The following ZNF362 variants were observed in gnomAD, a reference collection of about 807,000 sequenced individuals.
ZNF362 encodes rotund homolog.
In ZNF362, 11 loss-of-function variants were observed where a neutral mutation model predicts 42.9. The observed-to-expected ratio is 0.26, with a 90% CI of 0.16 to 0.42. ZNF362 has a LOEUF of 0.42. ZNF362 is among the 20% of genes least tolerant of loss of function. The pLI is 1.00. For missense variants in ZNF362, 362 were observed against 576.2 expected, an observed-to-expected ratio of 0.63 and a Z score of 3.81; for synonymous variants, 255 against 257.3, an observed-to-expected ratio of 0.99 and a Z score of 0.09.
At chr1:33,216,599 CAAAAA>C in the ZNF362 span, among the ~76,000 whole-genome samples, 1 of 71,896 alleles carries the variant, frequency 1.4e-5, no homozygotes, top group African/African-American at 5.5e-5. Flanking sequence ...GACTCTGTCT[CAAAAA>C]AAAAAAAAAA....
At chr1:33,277,667 G>A (rs1645961563) in intron 4 of ZNF362, among the ~76,000 whole-genome samples, 1 of 152,188 alleles carries the variant, frequency 6.6e-6, no homozygotes, top group East Asian at 1.9e-4. Context: ...GAGATACATT[G>A]TGGGAGAAGA....
At chr1:33,189,861 C>A in the ZNF362 span, among the ~76,000 whole-genome samples, 1 of 151,380 alleles carries the variant, frequency 6.6e-6, no homozygotes, top group Middle Eastern at 3.2e-3. Flanking sequence ...ATTAAGTATT[C>A]AGGGATGGGG....
chr1:33,166,590 C>G, the ZNF362 span, among the ~76,000 whole-genome samples: 18 of 152,072 alleles, frequency 1.2e-4, no homozygotes, highest in Non-Finnish European at 2.5e-4. Flanking sequence ...GAAAAAGATA[C>G]AGAGAGGTCA....
At chr1:33,213,085 G>A in the ZNF362 span, among the ~76,000 whole-genome samples, 2 of 152,176 alleles carry the variant, frequency 1.3e-5, no homozygotes, top group South Asian at 2.1e-4. Context: ...ATTGTGCTGA[G>A]TGAAAGAAGA....
the ZNF362 span, chr1:33,181,399 A>C: frequency 1.2e-6 from 2 of 1,602,564 alleles, no homozygotes; most frequent in East Asian, 4.5e-5. This position sits in a 1 kb window ranked among gnomAD's most constrained non-coding sequence, Gnocchi z 6.5. Flanking sequence ...AGGCAGATGG[A>C]GCACAGCAGC....
At chr1:33,159,122 G>T in the ZNF362 span, among the ~76,000 whole-genome samples, 1 of 152,200 alleles carries the variant, frequency 6.6e-6, no homozygotes, top group Admixed American at 6.5e-5. This position sits in a 1 kb window ranked among gnomAD's most constrained non-coding sequence, Gnocchi z 4.2. Flanking sequence ...TGGGATTACA[G>T]GTGTGAGCCA....
the ZNF362 span, chr1:33,199,908 G>A: frequency 6.6e-6 from 1 of 152,264 alleles, no homozygotes; most frequent in Non-Finnish European, 1.5e-5. Context: ...CAGCTACTCG[G>A]GAGGCTGAGG....
At chr1:33,133,678 T>G in the ZNF362 span, among the ~76,000 whole-genome samples, 3 of 152,128 alleles carry the variant, frequency 2.0e-5, no homozygotes, top group African/African-American at 2.4e-5. Flanking sequence ...AGATGGGGTG[T>G]TAGGGCAAGG....
the ZNF362 span, among the ~76,000 whole-genome samples, chr1:33,196,784 T>C: frequency 6.6e-6 from 1 of 152,174 alleles, no homozygotes; most frequent in African/African-American, 2.4e-5. Flanking sequence ...AGTAGGCCAT[T>C]TACACCAGCA....
intron 6 of ZNF362, among the ~76,000 whole-genome samples, chr1:33,289,397 T>A (rs1379602035): frequency 2.0e-5 from 3 of 152,092 alleles, no homozygotes; most frequent in African/African-American, 7.2e-5. Context: ...GACTGGGCTG[T>A]GACCAGGTCA....
chr1:33,294,850 C>T lies in ZNF362; in HGVS notation c.909-87C>T. 6.8e-7 allele frequency: 1 copy of T among 1,476,376 alleles called. No homozygotes were observed. 91.5% of individuals were successfully genotyped at this position (1,476,376 alleles called of 1,614,324 possible). ...CATGGGCAGGGTAGGGACCGAGAGG[C>T]TTAGGGGCCAGAGTAAGGACTTGGG... On this transcript the variant is annotated intron_variant, in intron 6 of 8. Coordinates refer to ENST00000539719, the MANE Select transcript of ZNF362 (RefSeq NM_152493.3). This position sits in a 1 kb window ranked among gnomAD's most constrained non-coding sequence, Gnocchi z 4.2.
intron 2 of ZNF362, among the ~76,000 whole-genome samples, chr1:33,274,387 T>C (rs984774504): frequency 2.0e-5 from 3 of 152,240 alleles, no homozygotes; most frequent in African/African-American, 7.2e-5. Context: ...AGAGAGGCAC[T>C]TGGTAACTTG....
the ZNF362 span, among the ~76,000 whole-genome samples, chr1:33,242,605 G>A: frequency 6.6e-6 from 1 of 152,108 alleles, no homozygotes; most frequent in Non-Finnish European, 1.5e-5. Flanking sequence ...AGAAAGACAC[G>A]GAAAACCAGC....
chr1:33,254,524 G>A (rs550274573), upstream of ZNF362, among the ~76,000 whole-genome samples: 2 of 152,296 alleles, frequency 1.3e-5, no homozygotes, highest in African/African-American at 4.8e-5. Context: ...AATTTTGTTG[G>A]ATAGCCCACT....
At chr1:33,273,239 A>G (rs1645918600) in intron 2 of ZNF362, among the ~76,000 whole-genome samples, 1 of 152,270 alleles carries the variant, frequency 6.6e-6, no homozygotes, top group Admixed American at 6.5e-5. Context: ...CAGTAGGTAG[A>G]TACCAGGACT....
intron 2 of ZNF362, among the ~76,000 whole-genome samples, chr1:33,274,056 C>G (rs1160925603): frequency 2.0e-5 from 3 of 152,180 alleles, no homozygotes; most frequent in African/African-American, 7.2e-5. Flanking sequence ...ACATTTCCCC[C>G]TGTGGACAGT....
At chr1:33,274,801 T>C (rs1362604654) in intron 2 of ZNF362, 2 of 311,464 alleles carry the variant, frequency 6.4e-6, no homozygotes, top group Non-Finnish European at 9.3e-6. Context: ...TTTGTGGCCT[T>C]GGACAGGTCT....
the ZNF362 span, chr1:33,147,132 C>G: frequency 6.3e-7 from 1 of 1,587,888 alleles, no homozygotes. The surrounding 1 kb of genome is among the most constrained non-coding windows in gnomAD (Gnocchi z 8.1). Flanking sequence ...AGGGCTCTTG[C>G]AGGTGGCAGT....
At chr1:33,176,361 C>T in the ZNF362 span, 1 of 671,262 alleles carries the variant, frequency 1.5e-6, no homozygotes, top group South Asian at 1.5e-5. Flanking sequence ...CCCCCTCCCT[C>T]CTTGGGTGGC....
Sources: allele counts gnomAD v4.1 joint callset (sites outside exome capture counted in the v4.1 genomes callset), GRCh38; gene constraint gnomAD v4.1.1; non-coding constraint Gnocchi (gnomAD v3.1); transcripts MANE v1.5; gene names NCBI Gene and HGNC (gene_info 2026-07-23, HGNC 2026-07-21).